The following BRDT variants were observed in gnomAD, a reference collection of about 807,000 sequenced individuals.
BRDT encodes the protein bromodomain testis associated.
Under a neutral mutation model 113.9 loss-of-function variants are expected in BRDT, and 77 were observed. The ratio of observed to expected loss-of-function variants is 0.68; its 90% CI spans 0.56 to 0.82. The LOEUF (loss-of-function observed/expected upper bound fraction) is 0.82, where lower values mean the gene tolerates loss of function less well. Ranked by LOEUF, BRDT falls within the 40% of genes least tolerant of loss-of-function variation. The pLI is 0.00. For missense variants in BRDT, 1,027 were observed against 1,105.4 expected, an observed-to-expected ratio of 0.93 and a Z score of 1.01; for synonymous variants, 358 against 366.5, an observed-to-expected ratio of 0.98 and a Z score of 0.26.
intron 2 of BRDT, among the ~76,000 whole-genome samples, chr1:91,963,418 C>T (rs1230596675): frequency 1.3e-5 from 2 of 152,178 alleles, no homozygotes. Flanking sequence ...TTTTTCTGAG[C>T]ATTCGCATTC....
At chr1:91,983,828 G>T (rs559574086) in intron 12 of BRDT, among the ~76,000 whole-genome samples, 2 of 151,940 alleles carry the variant, frequency 1.3e-5, no homozygotes, top group Non-Finnish European at 2.9e-5. Flanking sequence ...ATTACAAGTG[G>T]ATGCCACCAC....
intron 1 of BRDT, among the ~76,000 whole-genome samples, chr1:91,959,948 A>G (rs1449093787): frequency 6.6e-6 from 1 of 152,210 alleles, no homozygotes; most frequent in Non-Finnish European, 1.5e-5. Context: ...ACTGATTCCC[A>G]GGCGCTCTCT....
intron 1 of BRDT, among the ~76,000 whole-genome samples, chr1:91,954,601 A>G (rs1337513810): frequency 6.6e-6 from 1 of 152,112 alleles, no homozygotes. Flanking sequence ...AGATATATCC[A>G]CAGGTAAAAA....
intron 12 of BRDT, among the ~76,000 whole-genome samples, chr1:91,982,130 T>C (rs1268000076): frequency 6.6e-6 from 1 of 152,232 alleles, no homozygotes; most frequent in African/African-American, 2.4e-5. Flanking sequence ...CTCCATGATC[T>C]ATCAGATCAC....
chr1:91,999,114 C>T (rs1039388403), intron 15 of BRDT, among the ~76,000 whole-genome samples: 1 of 151,468 alleles, frequency 6.6e-6, no homozygotes, highest in Non-Finnish European at 1.5e-5. Context: ...TGGGCTGTTG[C>T]AGTAGTAGGG....
At chr1:92,000,419 G>T (rs920386375) in intron 15 of BRDT, among the ~76,000 whole-genome samples, 22 of 152,188 alleles carry the variant, frequency 1.4e-4, no homozygotes, top group African/African-American at 5.3e-4. Context: ...CATTGAGGCT[G>T]TGTACAGACG....
chr1:91,991,446 G>C (rs971428059), intron 13 of BRDT, among the ~76,000 whole-genome samples: 6 of 152,118 alleles, frequency 3.9e-5, no homozygotes, highest in African/African-American at 1.2e-4. Context: ...TTTTCAATAA[G>C]ACATAACATT....
At chr1:91,981,888 G>A (rs1684766142) in intron 12 of BRDT, 133 bp downstream of exon 12, 1 of 1,215,288 alleles carries the variant, frequency 8.2e-7, no homozygotes. Context: ...TTATTTAATT[G>A]CATGTTGACA....
intron 12 of BRDT, among the ~76,000 whole-genome samples, chr1:91,987,648 G>GTTTTTGT (rs71586729): frequency 0.23 from 35,380 of 150,746 alleles, 5,229 homozygotes; most frequent in Admixed American, 0.35. Context: ...GCCCGGCCTT[G>GTTTTTGT]TTTTTGTTTT....
chr1:91,971,668 T>G (rs1327984949), intron 4 of BRDT, among the ~76,000 whole-genome samples: 2 of 152,246 alleles, frequency 1.3e-5, no homozygotes, highest in Non-Finnish European at 2.9e-5. Context: ...CTTTGCCATC[T>G]TGGAATTAAT....
intron 1 of BRDT, among the ~76,000 whole-genome samples, chr1:91,951,891 C>CAA (rs931894426): frequency 5.3e-5 from 8 of 151,180 alleles, no homozygotes; most frequent in Admixed American, 5.3e-4. Context: ...ACTAAAAATA[C>CAA]AAAAAAAATT....
intron 18 of BRDT, among the ~76,000 whole-genome samples, chr1:92,012,031 G>A (rs1687837694): frequency 2.0e-5 from 3 of 152,166 alleles, no homozygotes; most frequent in Admixed American, 6.5e-5. Context: ...GGTATTGGCT[G>A]GGTACAGTGG....
intron 12 of BRDT, among the ~76,000 whole-genome samples, chr1:91,982,135 G>C (rs969210843): frequency 2.0e-5 from 3 of 152,262 alleles, no homozygotes; most frequent in African/African-American, 7.2e-5. Flanking sequence ...TGATCTATCA[G>C]ATCACTCTAA....
chr1:91,994,314 T>C (rs532712001), intron 15 of BRDT, 60 bp downstream of exon 15: 137 of 1,305,492 alleles, frequency 1.0e-4, no homozygotes, highest in Non-Finnish European at 1.4e-4. Flanking sequence ...CCTATACATA[T>C]ATGAAAATGT....
At chr1:92,001,986 C>G in intron 15 of BRDT, 63 bp from the exon 16 acceptor site, 2 of 1,228,396 alleles carry the variant, frequency 1.6e-6, no homozygotes, top group Middle Eastern at 1.9e-4. Context: ...AAAATAAAAT[C>G]AAATTCTGGG....
chr1:92,004,948 T>C (rs1687169184), intron 17 of BRDT, among the ~76,000 whole-genome samples, 171 bp from the exon 18 acceptor site: 1 of 152,192 alleles, frequency 6.6e-6, no homozygotes, highest in African/African-American at 2.4e-5. Flanking sequence ...TATTTGTTAA[T>C]ATGGATTAGC....
At chr1:91,972,689 AAATT>A (rs1386237555) in intron 4 of BRDT, among the ~76,000 whole-genome samples, 1 of 152,200 alleles carries the variant, frequency 6.6e-6, no homozygotes, top group Non-Finnish European at 1.5e-5. Context: ...GATAGAGACA[AAATT>A]AAATAATTCT....
intron 12 of BRDT, among the ~76,000 whole-genome samples, chr1:91,988,105 C>T (rs935098908): frequency 6.6e-6 from 1 of 151,972 alleles, no homozygotes; most frequent in Non-Finnish European, 1.5e-5. Flanking sequence ...CCTTGGCCTC[C>T]CAAAGTGCTG....
At chr1:92,000,740 A>T (rs1336325941) in intron 15 of BRDT, among the ~76,000 whole-genome samples, 2 of 152,198 alleles carry the variant, frequency 1.3e-5, no homozygotes, top group Non-Finnish European at 2.9e-5. Flanking sequence ...GAGAGAATTG[A>T]ATCAAGTGAT....
Sources: allele counts gnomAD v4.1 joint callset (sites outside exome capture counted in the v4.1 genomes callset), GRCh38; gene constraint gnomAD v4.1.1; transcripts MANE v1.5; gene names NCBI Gene and HGNC (gene_info 2026-07-23, HGNC 2026-07-21).